SORCS2: variants seen among roughly 807,000 people sequenced by gnomAD.
SORCS2 encodes the protein VPS10 domain-containing receptor SorCS2.
In SORCS2, 100 loss-of-function variants were observed where a neutral mutation model predicts 141.6. The ratio of observed to expected loss-of-function variants is 0.71; its 90% CI spans 0.60 to 0.83. The LOEUF (loss-of-function observed/expected upper bound fraction) is 0.83, where lower values mean the gene tolerates loss of function less well. SORCS2 is among the 40% of genes least tolerant of loss of function. SORCS2 has a pLI of 0.00. For synonymous variants in SORCS2, 789 were observed against 676.9 expected, an observed-to-expected ratio of 1.17 and a Z score of -2.57; for missense variants, 1,646 against 1,560.2, an observed-to-expected ratio of 1.05 and a Z score of -0.93.
chr4:7,674,824 CT>C (rs1723013230), intron 8 of SORCS2, among the ~76,000 whole-genome samples: 1 of 150,992 alleles, frequency 6.6e-6, no homozygotes, highest in Non-Finnish European at 1.5e-5. Flanking sequence ...AAAAAAAGCC[CT>C]TCCCTAGGCC....
chr4:7,388,015 C>G (rs1265433647), intron 1 of SORCS2, among the ~76,000 whole-genome samples: 1 of 118,270 alleles, frequency 8.5e-6, no homozygotes, highest in African/African-American at 3.4e-5. Flanking sequence ...CACATGCATA[C>G]AGATACACAG....
At chr4:7,731,152 C>A (rs1711641204) in intron 23 of SORCS2, among the ~76,000 whole-genome samples, 1 of 152,194 alleles carries the variant, frequency 6.6e-6, no homozygotes, top group African/African-American at 2.4e-5. Context: ...AGAAAACAAT[C>A]CCACTAACAA....
intron 2 of SORCS2, among the ~76,000 whole-genome samples, chr4:7,512,272 C>T (rs1345636631): frequency 6.6e-6 from 1 of 150,460 alleles, no homozygotes; most frequent in Non-Finnish European, 1.5e-5. Context: ...CAGCCCAGGG[C>T]CAGGCTCATA....
chr4:7,544,676 G>A (rs1020351519), intron 3 of SORCS2, among the ~76,000 whole-genome samples: 3 of 152,264 alleles, frequency 2.0e-5, no homozygotes, highest in Non-Finnish European at 2.9e-5. Context: ...GACAGAGGGA[G>A]CTGGGGTATT....
intron 1 of SORCS2, among the ~76,000 whole-genome samples, chr4:7,316,005 C>T (rs1383636887): frequency 2.6e-5 from 4 of 152,062 alleles, no homozygotes; most frequent in African/African-American, 9.7e-5. Context: ...ATATATTCAT[C>T]TATCCTTTCT....
intron 1 of SORCS2, among the ~76,000 whole-genome samples, chr4:7,257,503 G>A (rs961186111): frequency 1.1e-4 from 16 of 152,036 alleles, no homozygotes; most frequent in African/African-American, 3.1e-4. Context: ...CAGGGAGCCC[G>A]GCCAAGATTC....
rs1186714742 is a variant in SORCS2 at position 7,654,176 on chromosome 4, C to T, written c.856C>T (p.Gln286Ter). Residue 286 changes from glutamine (Q) to a stop codon, truncating the protein, a stop_gained, in exon 5 of 27, where the codon CAA becomes TAA. Transcript: ENST00000507866. LOFTEE classifies it high-confidence loss of function. Reference sequence around the variant, plus strand: ...CTTGGGGAAAAAGTGGACACTTCTGCAAGAGCGAGTGACCAAAGACCACGT... The same window carrying T: ...CTTGGGGAAAAAGTGGACACTTCTGTAAGAGCGAGTGACCAAAGACCACGT... ...SDLGKKWTLL[Q>*]ERVTKDHVFW... 6.3e-7 allele frequency: 1 copy of T among 1,583,372 alleles called. No homozygotes were observed. The highest frequency in any genetic ancestry group is 1.2e-5 in the South Asian group (1 of 86,848).
At chr4:7,414,810 T>G (rs984985738) in intron 2 of SORCS2, among the ~76,000 whole-genome samples, 1 of 152,174 alleles carries the variant, frequency 6.6e-6, no homozygotes, top group African/African-American at 2.4e-5. Flanking sequence ...TGTTGTTATT[T>G]TTTGGAGAAA....
intron 4 of SORCS2, among the ~76,000 whole-genome samples, chr4:7,641,659 G>T (rs200889029): frequency 6.6e-6 from 1 of 152,208 alleles, no homozygotes; most frequent in East Asian, 1.9e-4. Context: ...TAAAGTGCCC[G>T]GCTGAAAATA....
intron 1 of SORCS2, among the ~76,000 whole-genome samples, chr4:7,256,898 C>T (rs1015803493): frequency 6.6e-6 from 1 of 152,040 alleles, no homozygotes; most frequent in Admixed American, 6.6e-5. Context: ...AATCTCCAGG[C>T]AGAGTGTGGG....
intron 2 of SORCS2, among the ~76,000 whole-genome samples, chr4:7,455,957 T>C (rs1728889473): frequency 6.6e-6 from 1 of 152,178 alleles, no homozygotes; most frequent in Non-Finnish European, 1.5e-5. Context: ...ACTAGGGGCT[T>C]AAACAAGAGT....
At chr4:7,539,679 G>C (rs1052437597) in intron 3 of SORCS2, among the ~76,000 whole-genome samples, 2 of 151,014 alleles carry the variant, frequency 1.3e-5, no homozygotes. Flanking sequence ...GCAAGGCCCC[G>C]ACCCCCGTTA....
intron 1 of SORCS2, among the ~76,000 whole-genome samples, chr4:7,199,435 G>A (rs1054803764): frequency 1.3e-5 from 2 of 152,138 alleles, no homozygotes; most frequent in Non-Finnish European, 2.9e-5. Flanking sequence ...GCTGAGGGGA[G>A]CAGCAGAGAT....
intron 10 of SORCS2, among the ~76,000 whole-genome samples, chr4:7,687,734 C>T (rs1723965152): frequency 6.6e-6 from 1 of 152,206 alleles, no homozygotes; most frequent in South Asian, 2.1e-4. Flanking sequence ...TGAGATGTCA[C>T]ATCCTGCACA....
At chr4:7,387,668 GCA>G (rs1304338688) in intron 1 of SORCS2, among the ~76,000 whole-genome samples, 46 of 137,502 alleles carry the variant, frequency 3.3e-4, no homozygotes, top group African/African-American at 1.2e-3. Flanking sequence ...ATGCACACAT[GCA>G]CACACATACA....
intron 18 of SORCS2, among the ~76,000 whole-genome samples, chr4:7,720,220 G>A (rs182320012): frequency 6.6e-6 from 1 of 152,248 alleles, no homozygotes; most frequent in East Asian, 1.9e-4. Context: ...TAAAAATAAG[G>A]TCTGATAGAG....
Position 7,738,858 on chromosome 4 carries a change from T to C in SORCS2, c.3416-1342T>C, listed in dbSNP as rs970551982. On this transcript the variant is annotated intron_variant, in intron 26 of 26. Transcript: ENST00000507866. The stretch of plus-strand genomic sequence containing the variant: ...AGCTGAATGGACTGGCCACGGTCCC[T>C]CTCTGCCTCCCCTGCGCGCTCTCCA... Among the ~76,000 whole-genome samples, 3 of 152,278 alleles carry C rather than the reference T, an allele frequency of 2.0e-5. No homozygotes were observed. The South Asian group carries it at 6.2e-4, about 32-fold the overall frequency.
chr4:7,530,847 G>A (rs1711575189), intron 2 of SORCS2, among the ~76,000 whole-genome samples: 1 of 152,214 alleles, frequency 6.6e-6, no homozygotes, highest in Admixed American at 6.5e-5. Context: ...CTTGCCCAAG[G>A]AGGTACCGAG....
chr4:7,487,733 G>T (rs1269762657), intron 2 of SORCS2, among the ~76,000 whole-genome samples: 6 of 152,118 alleles, frequency 3.9e-5, no homozygotes, highest in Non-Finnish European at 7.4e-5. Context: ...CCCGCCTCCA[G>T]CCCCATGCTG....
Sources: allele counts gnomAD v4.1 joint callset (sites outside exome capture counted in the v4.1 genomes callset), GRCh38; gene constraint gnomAD v4.1.1; transcripts MANE v1.5; gene names NCBI Gene and HGNC (gene_info 2026-07-23, HGNC 2026-07-21).